SCHIP1: variants seen among roughly 807,000 people sequenced by gnomAD.
SCHIP1 encodes schwannomin interacting protein 1, also known as schwannomin-interacting protein 1.
A neutral mutation model predicts 29.7 loss-of-function variants in SCHIP1; 8 were observed. The ratio of observed to expected loss-of-function variants is 0.27; its 90% confidence interval spans 0.16 to 0.49. SCHIP1 has a LOEUF of 0.49. SCHIP1 is among the 20% of genes least tolerant of loss of function. The pLI, the probability that SCHIP1 is intolerant of heterozygous loss-of-function variation, is 0.99. For missense variants in SCHIP1, 193 were observed against 294.6 expected (o/e 0.66, Z 2.52); for synonymous variants, 76 against 94.9 (o/e 0.80, Z 1.16).
the SCHIP1 span, chr3:159,721,858 TG>T: frequency 2.4e-6 from 1 of 410,178 alleles, no homozygotes; most frequent in South Asian, 2.0e-5. Context: ...AGGTCCACCT[TG>T]GGGATGCCAC....
chr3:159,383,734 C>A, the SCHIP1 span, among the ~76,000 whole-genome samples: 1 of 144,286 alleles, frequency 6.9e-6, no homozygotes, highest in Admixed American at 7.1e-5. Context: ...TTCTTCCTAC[C>A]CATGAGCATG....
the SCHIP1 span, among the ~76,000 whole-genome samples, chr3:159,712,714 AGGAAGGGAAGGGAAGAGAAG>A: frequency 9.2e-5 from 14 of 151,638 alleles, no homozygotes; most frequent in Admixed American, 2.0e-4. Context: ...AGGAAAGGAA[AGGAAGGGAAGGGAAGAGAAG>A]GGAAGGGAAG....
the SCHIP1 span, among the ~76,000 whole-genome samples, chr3:159,767,088 G>C: frequency 3.3e-5 from 5 of 152,142 alleles, no homozygotes; most frequent in Admixed American, 3.3e-4. Context: ...AAGCAAGGAT[G>C]TATACAGAAA....
the SCHIP1 span, among the ~76,000 whole-genome samples, chr3:159,614,859 T>C: frequency 1.3e-5 from 2 of 152,236 alleles, no homozygotes; most frequent in African/African-American, 4.8e-5. Flanking sequence ...AGCCAGGCAC[T>C]GTGCTAGGTG....
At chr3:159,422,795 T>C in the SCHIP1 span, among the ~76,000 whole-genome samples, 2 of 152,244 alleles carry the variant, frequency 1.3e-5, no homozygotes, top group African/African-American at 4.8e-5. Flanking sequence ...TTCTCATTGC[T>C]GTACAGTATT....
the SCHIP1 span, among the ~76,000 whole-genome samples, chr3:159,284,626 T>A: frequency 1.3e-5 from 2 of 152,062 alleles, no homozygotes; most frequent in African/African-American, 4.8e-5. Flanking sequence ...GTAGCTGGGA[T>A]TACAGGTGTA....
chr3:159,890,019 C>T (rs1181194231), intron 5 of SCHIP1, among the ~76,000 whole-genome samples: 3 of 151,016 alleles, frequency 2.0e-5, no homozygotes, highest in Non-Finnish European at 2.9e-5. Flanking sequence ...GGCGTGAACC[C>T]GGGAGGCGGA....
the SCHIP1 span, among the ~76,000 whole-genome samples, chr3:159,423,870 G>A: frequency 1.3e-5 from 2 of 152,034 alleles, no homozygotes; most frequent in South Asian, 2.1e-4. Context: ...AACTTTCAGA[G>A]GAACGATCAG....
the SCHIP1 span, among the ~76,000 whole-genome samples, chr3:159,392,123 G>A: frequency 1.3e-5 from 2 of 152,082 alleles, no homozygotes; most frequent in African/African-American, 2.4e-5. Flanking sequence ...GCACCTCAGA[G>A]TTGGCAAACA....
chr3:159,729,244 A>G, the SCHIP1 span, among the ~76,000 whole-genome samples: 2 of 152,224 alleles, frequency 1.3e-5, no homozygotes, highest in South Asian at 4.1e-4. Context: ...TGGTAAAAAA[A>G]TTACCTATTT....
chr3:159,668,443 T>C, the SCHIP1 span, among the ~76,000 whole-genome samples: 1 of 149,458 alleles, frequency 6.7e-6, no homozygotes, highest in South Asian at 2.1e-4. Flanking sequence ...TAATACACAG[T>C]AGGCATTCAA....
At chr3:159,667,709 C>T in the SCHIP1 span, among the ~76,000 whole-genome samples, 1 of 152,110 alleles carries the variant, frequency 6.6e-6, no homozygotes, top group African/African-American at 2.4e-5. Context: ...TGGGGCCTGA[C>T]AAAAAAGAAG....
At chr3:159,428,644 C>A in the SCHIP1 span, among the ~76,000 whole-genome samples, 44 of 150,472 alleles carry the variant, frequency 2.9e-4, no homozygotes, top group Middle Eastern at 0.017. Flanking sequence ...GTGGCGATTC[C>A]TCAGGGATCT....
At chr3:159,456,878 T>C in the SCHIP1 span, among the ~76,000 whole-genome samples, 1 of 152,294 alleles carries the variant, frequency 6.6e-6, no homozygotes, top group Admixed American at 6.5e-5. Context: ...TTAAAGATCA[T>C]GATTTTTAAT....
chr3:159,662,959 C>A, the SCHIP1 span, among the ~76,000 whole-genome samples: 1 of 152,182 alleles, frequency 6.6e-6, no homozygotes, highest in East Asian at 1.9e-4. Context: ...GATGTAGCAA[C>A]AGTGGGTATC....
chr3:159,383,834 A>G, the SCHIP1 span, among the ~76,000 whole-genome samples: 1 of 151,130 alleles, frequency 6.6e-6, no homozygotes, highest in African/African-American at 2.4e-5. Flanking sequence ...ATCCCTTGTA[A>G]GTTGGATTCC....
At chr3:159,395,599 G>A in the SCHIP1 span, among the ~76,000 whole-genome samples, 1 of 151,988 alleles carries the variant, frequency 6.6e-6, no homozygotes, top group Non-Finnish European at 1.5e-5. Context: ...TTCAGGAGCT[G>A]GTTGTTCAGT....
the SCHIP1 span, among the ~76,000 whole-genome samples, chr3:159,286,586 C>T: frequency 6.6e-6 from 1 of 152,208 alleles, no homozygotes; most frequent in African/African-American, 2.4e-5. Flanking sequence ...TGAGTATATA[C>T]CTAATAATAG....
At chr3:159,640,795 A>G in the SCHIP1 span, among the ~76,000 whole-genome samples, 678 of 152,216 alleles carry the variant, frequency 4.5e-3, 6 homozygotes, top group African/African-American at 0.015. Context: ...GCATGCCACC[A>G]TGGGGATTGA....
Sources: gnomAD v4.1 joint callset for allele counts (sites outside exome capture counted in the v4.1 genomes callset) on GRCh38, gnomAD v4.1.1 for gene constraint, MANE v1.5 for transcripts, NCBI Gene and HGNC (gene_info 2026-07-23, HGNC 2026-07-21) for gene names.